The following LHCGR variants were observed in gnomAD, a reference collection of about 807,000 sequenced individuals.
The protein encoded by LHCGR is luteinizing hormone/choriogonadotropin receptor, also known as lutropin-choriogonadotropic hormone receptor.
A neutral mutation model predicts 60.7 loss-of-function variants in LHCGR; 55 were observed. The observed-to-expected ratio is 0.91, with a 90% confidence interval of 0.73 to 1.13. The LOEUF (loss-of-function observed/expected upper bound fraction) is 1.13. Ranked by LOEUF, LHCGR falls within the 50% of genes most tolerant of loss-of-function variation. The pLI is 0.00. For synonymous variants in LHCGR, 337 were observed against 316.5 expected, an observed-to-expected ratio of 1.06 and a Z score of -0.69; for missense variants, 862 against 836.0, an observed-to-expected ratio of 1.03 and a Z score of -0.38.
At chr2:48,750,956 C>T (rs1669929416) in intron 1 of LHCGR, among the ~76,000 whole-genome samples, 1 of 152,224 alleles carries the variant, frequency 6.6e-6, no homozygotes, top group African/African-American at 2.4e-5. Flanking sequence ...TATCTGGCCC[C>T]AATTGTCAAT....
chr2:48,689,653 G>A (rs570856865), intron 10 of LHCGR, among the ~76,000 whole-genome samples: 130 of 152,276 alleles, frequency 8.5e-4, no homozygotes, highest in South Asian at 5.4e-3. Context: ...TGAAAGAACA[G>A]TCCTTCCTTT....
At chr2:48,720,100 T>A (rs1668434707) in intron 6 of LHCGR, 1 of 152,108 alleles carries the variant, frequency 6.6e-6, no homozygotes, top group Admixed American at 6.5e-5. Flanking sequence ...AGTGGGGAAA[T>A]TACACCCTAC....
At chr2:48,734,160 A>G (rs1572878579) in intron 1 of LHCGR, among the ~76,000 whole-genome samples, 1 of 152,212 alleles carries the variant, frequency 6.6e-6, no homozygotes, top group East Asian at 1.9e-4. Context: ...TACACACCTA[A>G]CTGAATAGGA....
At chr2:48,745,894 C>T (rs1161117041) in intron 1 of LHCGR, among the ~76,000 whole-genome samples, 2 of 151,630 alleles carry the variant, frequency 1.3e-5, no homozygotes, top group Non-Finnish European at 2.9e-5. Flanking sequence ...AAAAAAAGGT[C>T]CGTCTCAGGT....
At chr2:48,716,359 C>T (rs1361478248) in intron 6 of LHCGR, among the ~76,000 whole-genome samples, 1 of 152,106 alleles carries the variant, frequency 6.6e-6, no homozygotes, top group African/African-American at 2.4e-5. Context: ...TTTGGTCATC[C>T]CATTCATTTA....
Position 48,688,259 on chromosome 2 carries a change from A to T in LHCGR, c.1538T>A (p.Ile513Asn). 1 of 1,614,134 alleles carries T rather than the reference A, an allele frequency of 6.2e-7. No homozygotes were observed. The highest frequency in any genetic ancestry group is 8.5e-7 in the Non-Finnish European group (1 of 1,179,982). The change falls in exon 11 of 11, where the codon ATT becomes AAT. Residue 513 changes from isoleucine to asparagine, a missense_variant. By Grantham distance (149) the Ile-to-Asn change is moderately radical (BLOSUM62 -3). Coordinates refer to ENST00000294954, the MANE Select transcript of LHCGR (RefSeq NM_000233.4). This position sits in a 1 kb window ranked among gnomAD's most constrained non-coding sequence, Gnocchi z 5.2. ...GGTTTCCACATCCATGGGGAAGCAA[A>T]TACTGACCTTCATGTAATTGCTGAC... ...VGVSNYMKVS[I>N]CFPMDVETTL...
intron 1 of LHCGR, among the ~76,000 whole-genome samples, chr2:48,754,801 C>A (rs1670131131): frequency 1.3e-5 from 2 of 152,116 alleles, no homozygotes; most frequent in Non-Finnish European, 2.9e-5. Context: ...TAAAGGCTCC[C>A]CTTCTCCTCT....
At chr2:48,729,026 T>C in intron 3 of LHCGR, 127 bp downstream of exon 3, 1 of 809,522 alleles carries the variant, frequency 1.2e-6, no homozygotes, top group Non-Finnish European at 2.2e-6. Flanking sequence ...TGCCCAGACC[T>C]AGTAATTGCT....
intron 10 of LHCGR, among the ~76,000 whole-genome samples, chr2:48,692,855 G>C (rs1666921885): frequency 6.6e-6 from 1 of 152,166 alleles, no homozygotes. Context: ...CAAGAAGAAT[G>C]CTCTTTTTAC....
At chr2:48,724,908 T>C (rs554401988) in intron 4 of LHCGR, among the ~76,000 whole-genome samples, 1 of 152,248 alleles carries the variant, frequency 6.6e-6, no homozygotes, top group Non-Finnish European at 1.5e-5. Context: ...TCTGTTTTCC[T>C]TTTTTTGGGC....
At chr2:48,702,857 A>G (rs1021391326) in intron 8 of LHCGR, among the ~76,000 whole-genome samples, 4 of 152,254 alleles carry the variant, frequency 2.6e-5, no homozygotes, top group Admixed American at 6.5e-5. Context: ...ACTGTCCTCC[A>G]CAATGATTGA....
In LHCGR at chr2:48,688,956, A is replaced by G; in HGVS notation, c.948-107T>C. The G allele has an allele frequency of 2.1e-6, 2 of 955,924 alleles. No individual in the cohort carries two copies. Among genetic ancestry groups the G allele is most frequent in the Non-Finnish European group, 3.3e-6 (2 of 612,366 alleles). The allele number at this position is 955,924 out of a possible 1,614,324, so 59.2% of individuals were successfully genotyped here. On this transcript the variant is annotated intron_variant, in intron 10 of 10. Coordinates refer to ENST00000294954, the MANE Select transcript of LHCGR (RefSeq NM_000233.4). This position sits in a 1 kb window ranked among gnomAD's most constrained non-coding sequence, Gnocchi z 5.2. ...AAGAAACAAAAGGAAACAAAGCCATAATAGCCTCAGCCTTACATTTATTTG... is the reference window on the plus strand; with the variant it reads ...AAGAAACAAAAGGAAACAAAGCCATGATAGCCTCAGCCTTACATTTATTTG...
At chr2:48,738,025 G>C (rs949443473) in intron 1 of LHCGR, among the ~76,000 whole-genome samples, 2 of 152,164 alleles carry the variant, frequency 1.3e-5, no homozygotes, top group Non-Finnish European at 2.9e-5. Context: ...TGTTCATTTG[G>C]ATGTTTGTCG....
intron 7 of LHCGR, among the ~76,000 whole-genome samples, chr2:48,711,347 T>C (rs891933392): frequency 5.3e-5 from 8 of 152,240 alleles, no homozygotes; most frequent in Admixed American, 4.6e-4. Context: ...AGAAACTACA[T>C]AAGGGCAGGG....
chr2:48,755,517 G>T lies in LHCGR; in HGVS notation c.155C>A (p.Thr52Asn), dbSNP rs984685388. The change falls in exon 1 of 11, where the codon ACT becomes AAT. Residue 52 changes from threonine (T) to asparagine (N), a missense_variant. Thr to Asn is a moderately conservative substitution (Grantham distance 65). Transcript: ENST00000294954. ...GGGAGCGCTGTGTACTCACAGTCGA[G>T]TGAGACCGGCCGTGGGGCCGGGGCA... ...LRCPGPTAGL[T>N]RLSLAYLPVK... 1.3e-6 allele frequency: 2 copies of T among 1,540,586 alleles called. No homozygotes were observed. Among genetic ancestry groups the T allele is most frequent in the African/African-American group, 1.4e-5 (1 of 72,740 alleles).
At chr2:48,692,810 G>A (rs1666920127) in intron 10 of LHCGR, among the ~76,000 whole-genome samples, 1 of 152,226 alleles carries the variant, frequency 6.6e-6, no homozygotes, top group East Asian at 1.9e-4. Context: ...CTGGTGGGAA[G>A]TAGGAGGTAG....
chr2:48,716,394 A>G (rs749931716), intron 6 of LHCGR, among the ~76,000 whole-genome samples: 2 of 152,242 alleles, frequency 1.3e-5, no homozygotes, highest in African/African-American at 2.4e-5. Context: ...TAATACTCCC[A>G]GGTGCCAGGC....
intron 6 of LHCGR, among the ~76,000 whole-genome samples, chr2:48,716,701 A>C (rs7571983): frequency 0.14 from 21,095 of 152,202 alleles, 1,772 homozygotes; most frequent in South Asian, 0.27. Flanking sequence ...AAAATTTTGC[A>C]CCTAGGATGT....
intron 1 of LHCGR, among the ~76,000 whole-genome samples, chr2:48,740,837 C>G (rs952040082): frequency 8.5e-5 from 13 of 152,204 alleles, no homozygotes; most frequent in Non-Finnish European, 1.8e-4. Flanking sequence ...ACAAAGCTGA[C>G]AGAGAATGAC....
Sources: gnomAD v4.1 joint callset for allele counts (sites outside exome capture counted in the v4.1 genomes callset) on GRCh38, gnomAD v4.1.1 for gene constraint, Gnocchi (gnomAD v3.1) non-coding constraint, MANE v1.5 for transcripts, NCBI Gene and HGNC (gene_info 2026-07-23, HGNC 2026-07-21) for gene names.